Variants in SDK2 observed in about 807,000 individuals in gnomAD.
The protein encoded by SDK2 is sidekick cell adhesion molecule 2.
Under a neutral mutation model 253.9 loss-of-function variants are expected in SDK2, and 105 were observed. The observed-to-expected ratio is 0.41, with a 90% CI of 0.35 to 0.49. The LOEUF (loss-of-function observed/expected upper bound fraction) is 0.49. Among genes scored for constraint, SDK2 ranks in the 20% least tolerant of loss-of-function variants. The probability of loss-of-function intolerance (pLI) is 0.06; values close to 1 mark genes in which losing one functional copy is unlikely to be tolerated. For missense variants in SDK2, 2,608 were observed against 3,003.0 expected, an observed-to-expected ratio of 0.87 and a Z score of 3.07; for synonymous variants, 1,249 against 1,234.9, an observed-to-expected ratio of 1.01 and a Z score of -0.24.
chr17:73,354,791 C>A (rs1038284097), intron 40 of SDK2, among the ~76,000 whole-genome samples: 7 of 152,104 alleles, frequency 4.6e-5, no homozygotes, highest in African/African-American at 7.2e-5. Context: ...GTTCTTCTCG[C>A]CGTTCTGCTT....
At position 73,355,159 on chromosome 17, in the gene SDK2, C is replaced by CATATAT. The variant is rs1555750469; in HGVS notation, c.5594-2528_5594-2523dup. On this transcript the variant is annotated intron_variant, in intron 40 of 44. Transcript: ENST00000392650. ...TTTGAGCCTCTGCCTCCTACACCTCCATATATATATATATATTTTTTTTTT... is the reference window on the plus strand; with the variant it reads ...TTTGAGCCTCTGCCTCCTACACCTCCATATATATATATATATATATATTTTTTTTTT... Among the ~76,000 whole-genome samples the CATATAT allele has an allele frequency of 6.8e-4, 33 of 48,628 alleles. 4 individuals are homozygous for CATATAT. Among genetic ancestry groups the CATATAT allele is most frequent in the East Asian group, 4.1e-3 (3 of 726 alleles). 31.9% of individuals were successfully genotyped at this position (48,628 alleles called of 152,430 possible). A position where few individuals can be genotyped will look rare whatever the true frequency, so the allele number is the denominator to read the frequency against.
At chr17:73,426,811 G>A (rs1302376342) in intron 12 of SDK2, among the ~76,000 whole-genome samples, 1 of 152,150 alleles carries the variant, frequency 6.6e-6, no homozygotes. Flanking sequence ...TGGGGGCCGG[G>A]CGCGGTGGCT....
chr17:73,485,284 G>C (rs1186586940), intron 2 of SDK2, among the ~76,000 whole-genome samples: 9 of 152,150 alleles, frequency 5.9e-5, no homozygotes, highest in Non-Finnish European at 1.3e-4. Context: ...GGCTGAGGGG[G>C]CGAGGGAAGA....
chr17:73,505,463 A>G (rs1411750114), intron 2 of SDK2, among the ~76,000 whole-genome samples: 2 of 148,500 alleles, frequency 1.3e-5, no homozygotes, highest in African/African-American at 4.9e-5. Context: ...TATGATTGCT[A>G]TCATCATTGT....
intron 20 of SDK2, 25 bp from the exon 21 acceptor site, chr17:73,401,236 T>G (rs7226251): frequency 0.63 from 964,336 of 1,524,802 alleles, 312,860 homozygotes; most frequent in Non-Finnish European, 0.68. Context: ...CGTGTTGGCA[T>G]GAGCTTGGCT....
chr17:73,583,734 TG>T (rs1480392002), intron 1 of SDK2, among the ~76,000 whole-genome samples: 8 of 128,980 alleles, frequency 6.2e-5, no homozygotes, highest in Admixed American at 3.0e-4. Context: ...ACACGGGTGG[TG>T]GGCTGGGGGC....
At position 73,431,561 on chromosome 17, in the gene SDK2, G is replaced by C; in HGVS notation, c.1421C>G (p.Thr474Ser). 4 of 1,613,868 alleles carry C rather than the reference G, an allele frequency of 2.5e-6. No homozygotes were observed. The highest frequency in any genetic ancestry group is 3.4e-6 in the Non-Finnish European group (4 of 1,179,820). The change falls in exon 11 of 45, where the codon ACC (threonine) becomes AGC (serine). Residue 474 changes from threonine (T) to serine (S), a missense_variant. By Grantham distance (58) the Thr-to-Ser change is moderately conservative. This residue lies in a region of SDK2 where 1,505 missense variants were observed against 1,859.1 expected (regional missense o/e 0.81). Transcript: ENST00000392650. The surrounding 1 kb of genome is among the most constrained non-coding windows in gnomAD (Gnocchi z 5.6). The part of the protein sequence containing the change: ...PTHISDAGTY[T>S]CLATNSRGVD... ...CCCCCGAGAGTTGGTGGCCAGGCAG[G>C]TGTAGGTCCCCGCATCGGAGATGTG...
Position 73,386,075 on chromosome 17 carries a change from G to A in SDK2, c.4499-158C>T, listed in dbSNP as rs192922688. On this transcript the variant is annotated intron_variant, in intron 31 of 44. Transcript: ENST00000392650. Reference sequence around the variant, plus strand: ...CCCGATTTCTGCAGAACAAAGGGCTGGTGTAAAGGGGAGGGAGGGAGGGAC... The same window carrying A: ...CCCGATTTCTGCAGAACAAAGGGCTAGTGTAAAGGGGAGGGAGGGAGGGAC... Among the ~76,000 whole-genome samples, 180 of 152,246 alleles carry A rather than the reference G, an allele frequency of 1.2e-3. 1 individual carries two copies. Among genetic ancestry groups the A allele is most frequent in the African/African-American group, 4.0e-3 (165 of 41,534 alleles).
intron 36 of SDK2, among the ~76,000 whole-genome samples, chr17:73,378,713 C>T (rs1199925274): frequency 6.6e-6 from 1 of 152,152 alleles, no homozygotes; most frequent in Non-Finnish European, 1.5e-5. Context: ...AGCCACCGCG[C>T]CCAGCCTAGA....
At chr17:73,623,952 A>C (rs1286290840) in intron 1 of SDK2, among the ~76,000 whole-genome samples, 1 of 152,206 alleles carries the variant, frequency 6.6e-6, no homozygotes, top group East Asian at 1.9e-4. Flanking sequence ...ACAGCACGGC[A>C]GACAGACCAT....
Position 73,624,607 on chromosome 17 carries a change from A to G in SDK2, c.64+19418T>C, listed in dbSNP as rs142960452. On this transcript the variant is annotated intron_variant, in intron 1 of 44. Coordinates refer to ENST00000392650, the MANE Select transcript of SDK2 (RefSeq NM_001144952.2). ...TAGTGCTTCCCAGAATTTAATGTGCATGCCGCACCTGGGGAATCTTAAAAT... is the reference window on the plus strand; with the variant it reads ...TAGTGCTTCCCAGAATTTAATGTGCGTGCCGCACCTGGGGAATCTTAAAAT... Among the ~76,000 whole-genome samples the G allele has an allele frequency of 3.1e-3, 472 of 152,356 alleles. 3 individuals are homozygous for G. The highest frequency in any genetic ancestry group is 6.0e-3 in the Non-Finnish European group (411 of 68,028).
At chr17:73,359,693 G>A (rs1568365122) in intron 39 of SDK2, among the ~76,000 whole-genome samples, 2 of 152,104 alleles carry the variant, frequency 1.3e-5, no homozygotes, top group South Asian at 2.1e-4. Context: ...TTGCCCAGGC[G>A]GGAGTGCAGG....
chr17:73,485,813 G>C (rs146942051), intron 2 of SDK2, among the ~76,000 whole-genome samples: 1 of 152,236 alleles, frequency 6.6e-6, no homozygotes, highest in East Asian at 1.9e-4. Flanking sequence ...AGAGTTGAAG[G>C]TTGCCATAAA....
chr17:73,344,361 G>C (rs2062464689), intron 44 of SDK2, among the ~76,000 whole-genome samples: 1 of 152,194 alleles, frequency 6.6e-6, no homozygotes, highest in South Asian at 2.1e-4. Flanking sequence ...GGAGGTCACT[G>C]GGGTGGGGTT....
chr17:73,392,603 C>T (rs2062937093), intron 27 of SDK2, among the ~76,000 whole-genome samples: 1 of 152,130 alleles, frequency 6.6e-6, no homozygotes, highest in African/African-American at 2.4e-5. Context: ...CCTTCCAGAT[C>T]GTTGTAAGGG....
chr17:73,492,054 A>G (rs953827566), intron 2 of SDK2, among the ~76,000 whole-genome samples: 1 of 151,886 alleles, frequency 6.6e-6, no homozygotes, highest in African/African-American at 2.4e-5. Context: ...TTCTACATTC[A>G]CCCTCTAAGA....
chr17:73,442,610 G>T (rs1292977144), intron 5 of SDK2, among the ~76,000 whole-genome samples: 2 of 152,112 alleles, frequency 1.3e-5, no homozygotes, highest in Non-Finnish European at 2.9e-5. Context: ...CAAAGTGCTG[G>T]GATTATGGGT....
Position 73,530,008 on chromosome 17 carries a change from T to C in SDK2, c.65-22411A>G, listed in dbSNP as rs559390693. On this transcript the variant is annotated intron_variant, in intron 1 of 44. Transcript: ENST00000392650. The stretch of plus-strand genomic sequence containing the variant: ...CAGTGGGGTTAAGTGAAATTCTCTA[T>C]GGACATGGGCAAGGTGGAAGGAAGG... Among the ~76,000 whole-genome samples, 25 of 152,318 alleles carry C rather than the reference T, an allele frequency of 1.6e-4. No homozygotes were observed. In the East Asian group the frequency reaches 2.5e-3, roughly 15 times the overall value.
At chr17:73,540,424 C>T (rs1295144101) in intron 1 of SDK2, among the ~76,000 whole-genome samples, 6 of 152,186 alleles carry the variant, frequency 3.9e-5, no homozygotes, top group Non-Finnish European at 5.9e-5. Context: ...TTGTGTCTAA[C>T]GTCAATGCTT....
Sources: gnomAD v4.1 joint callset for allele counts (sites outside exome capture counted in the v4.1 genomes callset) on GRCh38, gnomAD v4.1.1 for gene constraint, gnomAD v4.1.1 regional missense constraint, Gnocchi (gnomAD v3.1) non-coding constraint, MANE v1.5 for transcripts, NCBI Gene and HGNC (gene_info 2026-07-23, HGNC 2026-07-21) for gene names.